The following TNS3 variants were observed in gnomAD, a reference collection of about 807,000 sequenced individuals.
The protein encoded by TNS3 is tensin 3.
In TNS3, 45 loss-of-function variants were observed where a neutral mutation model predicts 140.9. The ratio of observed to expected loss-of-function variants is 0.32; its 90% CI spans 0.25 to 0.41. The LOEUF is 0.41. Among genes scored for constraint, TNS3 ranks in the 10% least tolerant of loss-of-function variants. The probability of loss-of-function intolerance (pLI) is 1.00; values close to 1 mark genes in which losing one functional copy is unlikely to be tolerated. For synonymous variants in TNS3, 815 were observed against 788.4 expected (o/e 1.03, Z -0.56); for missense variants, 1,716 against 1,906.7 (o/e 0.90, Z 1.86).
chr7:47,295,600 C>T (rs990497558), intron 24 of TNS3, among the ~76,000 whole-genome samples: 6 of 152,052 alleles, frequency 3.9e-5, no homozygotes, highest in African/African-American at 1.5e-4. Flanking sequence ...TGTCCTTTCT[C>T]CCCTACACAA....
At chr7:47,456,320 C>T (rs936691348) in intron 4 of TNS3, among the ~76,000 whole-genome samples, 5 of 152,116 alleles carry the variant, frequency 3.3e-5, no homozygotes, top group African/African-American at 9.7e-5. Flanking sequence ...CCAAAGAAAT[C>T]AGCAAACACT....
chr7:47,385,133 C>T (rs1442454648), intron 16 of TNS3, among the ~76,000 whole-genome samples: 1 of 152,204 alleles, frequency 6.6e-6, no homozygotes, highest in Non-Finnish European at 1.5e-5. Flanking sequence ...CATCCTGGCT[C>T]CTGCACCAGG....
intron 9 of TNS3, 75 bp downstream of exon 9, chr7:47,428,237 G>T: frequency 1.8e-6 from 2 of 1,121,230 alleles, no homozygotes; most frequent in Non-Finnish European, 1.2e-6. Context: ...AACAGCTCCC[G>T]CGCAGACAGC....
intron 10 of TNS3, among the ~76,000 whole-genome samples, chr7:47,419,133 A>G (rs1200403728): frequency 6.6e-6 from 1 of 152,270 alleles, no homozygotes; most frequent in East Asian, 1.9e-4. Flanking sequence ...ATTGCTGCAA[A>G]GATGAGTCAG....
intron 17 of TNS3, among the ~76,000 whole-genome samples, chr7:47,367,859 A>G (rs1189431607): frequency 6.6e-6 from 1 of 152,222 alleles, no homozygotes; most frequent in Non-Finnish European, 1.5e-5. Flanking sequence ...AACATTTTAT[A>G]CCACGACTGC....
At chr7:47,543,585 G>C (rs1376249531) in intron 1 of TNS3, among the ~76,000 whole-genome samples, 3 of 152,236 alleles carry the variant, frequency 2.0e-5, no homozygotes, top group Non-Finnish European at 2.9e-5. Context: ...ATGGTCCAAA[G>C]CTGGAGTTAC....
At chr7:47,367,812 C>A (rs1276903031) in intron 17 of TNS3, among the ~76,000 whole-genome samples, 1 of 152,230 alleles carries the variant, frequency 6.6e-6, no homozygotes, top group Admixed American at 6.5e-5. Context: ...CTCCCCACAC[C>A]ACCACGGCCA....
At chr7:47,505,927 G>C (rs1266955040) in intron 3 of TNS3, among the ~76,000 whole-genome samples, 2 of 152,206 alleles carry the variant, frequency 1.3e-5, no homozygotes, top group Admixed American at 6.5e-5. Flanking sequence ...ATGGAAAACA[G>C]ACCCACATGC....
At chr7:47,314,087 C>T (rs58020316) in intron 20 of TNS3, among the ~76,000 whole-genome samples, 267 of 152,308 alleles carry the variant, frequency 1.8e-3, no homozygotes, top group African/African-American at 6.1e-3. Flanking sequence ...AGATGCAAGT[C>T]GGCTAACAGA....
intron 20 of TNS3, among the ~76,000 whole-genome samples, chr7:47,328,115 G>A (rs1033407739): frequency 1.8e-4 from 28 of 152,106 alleles, no homozygotes; most frequent in African/African-American, 5.3e-4. Flanking sequence ...CAGCGGTGGC[G>A]TCCCCCACCC....
At position 47,292,918 on chromosome 7, in the gene TNS3, C is replaced by T; in HGVS notation, c.3773-13G>A. 6.2e-7 allele frequency: 1 copy of T among 1,613,482 alleles called. No individual in the cohort carries two copies. The highest frequency in any genetic ancestry group is 8.5e-7 in the Non-Finnish European group (1 of 1,179,642). The stretch of plus-strand genomic sequence containing the variant: ...GCCGTCAGGCTCCCTGCAAAGTGGA[C>T]AGACAGCAAACAAGAGTCAACAACT... On this transcript the variant is annotated splice_polypyrimidine_tract_variant and intron_variant, in intron 25 of 30. Coordinates refer to ENST00000311160, the MANE Select transcript of TNS3 (RefSeq NM_022748.12).
At chr7:47,291,841 A>C in intron 27 of TNS3, 114 bp downstream of exon 27, 1 of 1,187,994 alleles carries the variant, frequency 8.4e-7, no homozygotes, top group South Asian at 1.5e-5. Flanking sequence ...AACCTCCTTC[A>C]AGGCTCACAG....
intron 1 of TNS3, chr7:47,557,220 A>C (rs114589524): frequency 2.3e-6 from 1 of 441,166 alleles, no homozygotes; most frequent in African/African-American, 2.0e-5. Flanking sequence ...CAAGCGTCCT[A>C]CGTAAGGGAG....
chr7:47,353,275 G>C (rs1789792275), intron 17 of TNS3, among the ~76,000 whole-genome samples: 1 of 152,182 alleles, frequency 6.6e-6, no homozygotes, highest in Non-Finnish European at 1.5e-5. Flanking sequence ...TCTTTGCTAA[G>C]TCGGTGAGCT....
At chr7:47,393,649 C>G (rs10263527) in intron 16 of TNS3, among the ~76,000 whole-genome samples, 99,866 of 151,970 alleles carry the variant, frequency 0.66, 33,073 homozygotes, top group East Asian at 0.82. Context: ...AGGCTGCACT[C>G]TCACCCACTA....
chr7:47,428,199 A>G, intron 9 of TNS3, 113 bp downstream of exon 9: 1 of 691,526 alleles, frequency 1.4e-6, no homozygotes, highest in East Asian at 3.2e-5. Flanking sequence ...AATGGGAAAC[A>G]CAGGTCAGCC....
intron 4 of TNS3, among the ~76,000 whole-genome samples, chr7:47,458,721 C>T (rs529737802): frequency 6.6e-5 from 10 of 152,262 alleles, no homozygotes; most frequent in African/African-American, 2.4e-4. Flanking sequence ...AGACCCCAGG[C>T]ATGTAGGTCC....
At position 47,563,915 on chromosome 7, in the gene TNS3, C is replaced by A. The variant is rs907715833; in HGVS notation, c.-265+18136G>T. Reference sequence around the variant, plus strand: ...TTTACATATGATTAACATTTAAGGCCGGGCGCGGTGGCTCACGCCTGTAAT... The same window carrying A: ...TTTACATATGATTAACATTTAAGGCAGGGCGCGGTGGCTCACGCCTGTAAT... On this transcript the variant is annotated intron_variant, in intron 1 of 30. Coordinates refer to ENST00000311160, the MANE Select transcript of TNS3 (RefSeq NM_022748.12). 5.3e-5 allele frequency among the ~76,000 whole-genome samples: 8 copies of A among 152,124 alleles called. 1 individual carries two copies. Among genetic ancestry groups the A allele is most frequent in the Non-Finnish European group, 1.2e-4 (8 of 68,030 alleles).
At chr7:47,389,608 C>CA (rs11400507) in intron 16 of TNS3, among the ~76,000 whole-genome samples, 145,646 of 152,260 alleles carry the variant, frequency 0.96, 69,828 homozygotes, top group East Asian at 1. Flanking sequence ...ATGCCACCCT[C>CA]CTCTTCTGAT....
Sources: allele counts gnomAD v4.1 joint callset (sites outside exome capture counted in the v4.1 genomes callset), GRCh38; gene constraint gnomAD v4.1.1; transcripts MANE v1.5; gene names NCBI Gene and HGNC (gene_info 2026-07-23, HGNC 2026-07-21).